The following GNRHR variants were observed in gnomAD, a reference collection of about 807,000 sequenced individuals.
The protein encoded by GNRHR is gonadotropin releasing hormone receptor, also known as gonadotropin-releasing hormone receptor.
A neutral mutation model predicts 28.1 loss-of-function variants in GNRHR; 14 were observed. The ratio of observed to expected loss-of-function variants is 0.50; its 90% confidence interval spans 0.33 to 0.78. The LOEUF is 0.78. Among genes scored for constraint, GNRHR ranks in the 30% least tolerant of loss-of-function variants. The pLI, the probability that GNRHR is intolerant of heterozygous loss-of-function variation, is 0.02. For synonymous variants in GNRHR, 141 were observed against 140.5 expected, an observed-to-expected ratio of 1.00 and a Z score of -0.02; for missense variants, 366 against 382.1, an observed-to-expected ratio of 0.96 and a Z score of 0.35.
In GNRHR at chr4:67,738,288, G is replaced by A. The variant is rs1408863878; in HGVS notation, c.*2192C>T. Among the ~76,000 whole-genome samples the A allele has an allele frequency of 6.6e-6, 1 of 151,566 alleles. No homozygotes were observed. The highest frequency in any genetic ancestry group is 1.9e-4 in the East Asian group (1 of 5,196). ...CTTTTTTTGTGCTATGAGCTGCTGT[G>A]GCAGTCTGGTCCATCCCTCTCAGGA... is the stretch of plus-strand genomic sequence containing the variant. On this transcript the variant is annotated 3_prime_UTR_variant, in exon 3 of 3. Coordinates refer to ENST00000226413, the MANE Select transcript of GNRHR (RefSeq NM_000406.3).
At chr4:67,751,381 A>G (rs964532247) in intron 1 of GNRHR, among the ~76,000 whole-genome samples, 2 of 152,204 alleles carry the variant, frequency 1.3e-5, no homozygotes, top group Admixed American at 1.3e-4. Flanking sequence ...AGCATTACTT[A>G]TGTGAGGTTA....
Position 67,753,929 on chromosome 4 carries a change from C to A in GNRHR, c.407G>T (p.Ser136Ile). The change falls in exon 1 of 3, where the codon AGC becomes ATC. Residue 136 changes from serine to isoleucine, a missense_variant. Physicochemically the swap from Ser to Ile is moderately radical, Grantham distance 142. Transcript: ENST00000226413. The part of the protein sequence containing the change: ...YAPAFMMVVI[S>I]LDRSLAITRP... ...CGTGATAGCCAGGGAGCGGTCCAGGCTGATCACCACCATCATGAAGGCTGG... is the reference window on the plus strand; with the variant it reads ...CGTGATAGCCAGGGAGCGGTCCAGGATGATCACCACCATCATGAAGGCTGG... The A allele has an allele frequency of 6.2e-7, 1 of 1,613,998 alleles. No individual in the cohort carries two copies. Among genetic ancestry groups the A allele is most frequent in the Non-Finnish European group, 8.5e-7 (1 of 1,179,938 alleles).
Position 67,738,864 on chromosome 4 carries a change from G to A in GNRHR, c.*1616C>T, listed in dbSNP as rs1483790391. Among the ~76,000 whole-genome samples, 1 of 151,738 alleles carries A rather than the reference G, an allele frequency of 6.6e-6. No individual in the cohort carries two copies. Among genetic ancestry groups the A allele is most frequent in the East Asian group, 1.9e-4 (1 of 5,180 alleles). On this transcript the variant is annotated 3_prime_UTR_variant, in exon 3 of 3. Coordinates refer to ENST00000226413, the MANE Select transcript of GNRHR (RefSeq NM_000406.3). ...TGAATGAAAGAGTGAGTAGACAGAG[G>A]GAGTTCAATTGAGACAGAATTGGAA...
chr4:67,748,045 T>C (rs1322505162), intron 1 of GNRHR, among the ~76,000 whole-genome samples: 2 of 152,184 alleles, frequency 1.3e-5, no homozygotes, highest in Admixed American at 1.3e-4. Flanking sequence ...ATTATATTTC[T>C]TTAATTTTGG....
chr4:67,750,525 C>G (rs2109986280), intron 1 of GNRHR, among the ~76,000 whole-genome samples: 1 of 152,152 alleles, frequency 6.6e-6, no homozygotes, highest in South Asian at 2.1e-4. Context: ...CTATGCCACA[C>G]TATGCTAAAA....
chr4:67,749,526 T>A (rs11932035), intron 1 of GNRHR, among the ~76,000 whole-genome samples: 1 of 151,852 alleles, frequency 6.6e-6, no homozygotes, highest in Non-Finnish European at 1.5e-5. Flanking sequence ...AAATGTCTTC[T>A]CTTCAATTTA....
Position 67,740,123 on chromosome 4 carries a change from C to A in GNRHR, c.*357G>T. The A allele has an allele frequency of 4.0e-6, 1 of 248,630 alleles. No individual in the cohort carries two copies. The allele number at this position is 248,630 out of a possible 1,614,324, so 15.4% of individuals were successfully genotyped here. A position where few individuals can be genotyped will look rare whatever the true frequency, so the allele number is the denominator to read the frequency against. ...TGAGTTTAGACCTGTGTTGTGGTTTCTCACCTTTGTTTTTTTGGCATCCTT... is the reference window on the plus strand; with the variant it reads ...TGAGTTTAGACCTGTGTTGTGGTTTATCACCTTTGTTTTTTTGGCATCCTT... On this transcript the variant is annotated 3_prime_UTR_variant, in exon 3 of 3. Transcript: ENST00000226413.
chr4:67,751,937 C>G (rs1341436628), intron 1 of GNRHR, among the ~76,000 whole-genome samples: 3 of 152,128 alleles, frequency 2.0e-5, no homozygotes, highest in Non-Finnish European at 2.9e-5. Context: ...CAAACACTCC[C>G]CTTCCCACCG....
Position 67,740,512 on chromosome 4 carries a change from C to T in GNRHR, c.955G>A (p.Asp319Asn). The change falls in exon 3 of 3, where the codon GAT becomes AAT. Residue 319 changes from aspartate to asparagine, a missense_variant. By Grantham distance (23) the Asp-to-Asn change is conservative. Coordinates refer to ENST00000226413, the MANE Select transcript of GNRHR (RefSeq NM_000406.3). ...GAAAAATATCCATAGATAAGTGGAT[C>T]AAAGCATGGGTTTAAAAAGGCAAAG... ...FLFAFLNPCF[D>N]PLIYGYFSL 1.2e-6 allele frequency: 2 copies of T among 1,605,866 alleles called. No individual in the cohort carries two copies. Among genetic ancestry groups the T allele is most frequent in the East Asian group, 2.2e-5 (1 of 44,820 alleles).
At chr4:67,753,147 T>C (rs1014757237) in intron 1 of GNRHR, among the ~76,000 whole-genome samples, 4 of 152,218 alleles carry the variant, frequency 2.6e-5, no homozygotes, top group African/African-American at 9.7e-5. Context: ...CTGTCAGTCA[T>C]ATGGCTTTCT....
rs1383766208 is a variant in GNRHR at position 67,745,296 on chromosome 4, AAAAC to A, written c.523-513_523-510del. Among the ~76,000 whole-genome samples, 21 of 152,176 alleles carry A rather than the reference AAAAC, an allele frequency of 1.4e-4. No homozygotes were observed. The East Asian group carries it at 1.7e-3, about 13-fold the overall frequency. Reference sequence around the variant, plus strand: ...GGAATATGTCAAAACAAAACAAAAAAAAACAAACAAAACAACCCAGGAACCAGCT... The same window carrying A: ...GGAATATGTCAAAACAAAACAAAAAAAAACAAAACAACCCAGGAACCAGCT... On this transcript the variant is annotated intron_variant, in intron 1 of 2. Coordinates refer to ENST00000226413, the MANE Select transcript of GNRHR (RefSeq NM_000406.3).
At chr4:67,751,952 A>G (rs572533025) in intron 1 of GNRHR, among the ~76,000 whole-genome samples, 5 of 152,228 alleles carry the variant, frequency 3.3e-5, no homozygotes, top group Admixed American at 3.3e-4. Flanking sequence ...CCACCGGATC[A>G]TTTCAATGGT....
intron 1 of GNRHR, 90 bp from the exon 2 acceptor site, chr4:67,744,877 T>TA (rs1297091476): frequency 2.7e-6 from 2 of 739,456 alleles, no homozygotes; most frequent in African/African-American, 3.5e-5. Flanking sequence ...TCTAACATGT[T>TA]ACCTAAAGCA....
At chr4:67,744,436 T>C (rs1329448367) in intron 2 of GNRHR, 132 bp downstream of exon 2, 1 of 687,452 alleles carries the variant, frequency 1.5e-6, no homozygotes, top group African/African-American at 1.8e-5. Flanking sequence ...ATGGGGTGAT[T>C]GTGAATATTA....
rs902242536 is a variant in GNRHR at position 67,737,510 on chromosome 4, T to C, written c.*2970A>G. On this transcript the variant is annotated 3_prime_UTR_variant, in exon 3 of 3. Transcript: ENST00000226413. ...GAGTTCTAGAAGTATTTTAACTGCCTAAAAACATTATCTCTTCATGACTAC... is the reference window on the plus strand; with the variant it reads ...GAGTTCTAGAAGTATTTTAACTGCCCAAAAACATTATCTCTTCATGACTAC... Among the ~76,000 whole-genome samples, 2 of 151,968 alleles carry C rather than the reference T, an allele frequency of 1.3e-5. No individual in the cohort carries two copies. The highest frequency in any genetic ancestry group is 4.8e-5 in the African/African-American group (2 of 41,430).
intron 1 of GNRHR, among the ~76,000 whole-genome samples, chr4:67,748,768 T>TA (rs139762622): frequency 2.4e-4 from 36 of 146,986 alleles, no homozygotes; most frequent in South Asian, 4.3e-4. Flanking sequence ...CTCTGACTGT[T>TA]AAAAAAAAAA....
At chr4:67,740,971 A>G (rs949662211) in intron 2 of GNRHR, among the ~76,000 whole-genome samples, 1 of 152,200 alleles carries the variant, frequency 6.6e-6, no homozygotes, top group African/African-American at 2.4e-5. Flanking sequence ...GATTTGAAAT[A>G]TGGGGTACTC....
intron 2 of GNRHR, among the ~76,000 whole-genome samples, chr4:67,741,170 C>A (rs1340913679): frequency 2.0e-5 from 3 of 151,786 alleles, no homozygotes; most frequent in African/African-American, 7.3e-5. Context: ...GTACGCTGTA[C>A]CAAATGTGTA....
At chr4:67,753,646 G>C (rs1000546473) in intron 1 of GNRHR, 168 bp downstream of exon 1, 2 of 634,808 alleles carry the variant, frequency 3.2e-6, no homozygotes, top group African/African-American at 3.7e-5. Context: ...AGGTTAAGAA[G>C]TTTGCCCAAG....
Sources: allele counts gnomAD v4.1 joint callset (sites outside exome capture counted in the v4.1 genomes callset), GRCh38; gene constraint gnomAD v4.1.1; transcripts MANE v1.5; gene names NCBI Gene and HGNC (gene_info 2026-07-23, HGNC 2026-07-21).